BASP1: variants seen among roughly 807,000 people sequenced by gnomAD.
The protein encoded by BASP1 is brain abundant membrane attached signal protein 1.
A neutral mutation model predicts 2.2 loss-of-function variants in BASP1; 1 was observed. The observed-to-expected ratio is 0.46, with a 90% CI of 0.16 to 2.17. The LOEUF is 2.17. Ranked by LOEUF, BASP1 falls within the 30% of genes most tolerant of loss-of-function variation. The pLI is 0.27. For synonymous variants in BASP1, 187 were observed against 154.2 expected, an observed-to-expected ratio of 1.21 and a Z score of -1.58; for missense variants, 352 against 327.2, an observed-to-expected ratio of 1.08 and a Z score of -0.58.
At chr5:17,249,476 A>G (rs1338517743) in intron 1 of BASP1, among the ~76,000 whole-genome samples, 1 of 152,196 alleles carries the variant, frequency 6.6e-6, no homozygotes, top group East Asian at 1.9e-4. Context: ...AGCCAGATGC[A>G]GTTACTGTTC....
At position 17,260,702 on chromosome 5, in the gene BASP1, G is replaced by A. The variant is rs1347877544; in HGVS notation, c.-9-14506G>A. ...AATTAGATGTTCCCGTCTGTAGTGA[G>A]TCTGTGATGTTTATCTAGTACCCAT... On this transcript the variant is annotated intron_variant, in intron 1 of 1. Coordinates refer to ENST00000322611, the MANE Select transcript of BASP1 (RefSeq NM_006317.5). This position sits in a 1 kb window ranked among gnomAD's most constrained non-coding sequence, Gnocchi z 4.2. 6.6e-6 allele frequency among the ~76,000 whole-genome samples: 1 copy of A among 152,174 alleles called. No homozygotes were observed. Among genetic ancestry groups the A allele is most frequent in the African/African-American group, 2.4e-5 (1 of 41,436 alleles).
chr5:17,247,303 A>T (rs543037789), intron 1 of BASP1, among the ~76,000 whole-genome samples: 9 of 152,340 alleles, frequency 5.9e-5, no homozygotes, highest in African/African-American at 1.9e-4. Context: ...CTGAACATGT[A>T]AAGTATAGGC....
intron 1 of BASP1, among the ~76,000 whole-genome samples, chr5:17,240,133 G>GATAA (rs55977756): frequency 0.34 from 49,693 of 145,798 alleles, 8,554 homozygotes; most frequent in South Asian, 0.37. Flanking sequence ...TAAAAATAAA[G>GATAA]ATAAATAAAT....
intron 1 of BASP1, among the ~76,000 whole-genome samples, chr5:17,252,782 C>A (rs1483476240): frequency 6.6e-6 from 1 of 152,196 alleles, no homozygotes; most frequent in Non-Finnish European, 1.5e-5. Flanking sequence ...ATCCTTTAGA[C>A]CTGAATCACA....
chr5:17,272,029 G>A (rs2126521517), intron 1 of BASP1, among the ~76,000 whole-genome samples: 1 of 149,622 alleles, frequency 6.7e-6, no homozygotes, highest in South Asian at 2.1e-4. Flanking sequence ...TTGTGCTGCT[G>A]CTGCACTCCA....
chr5:17,256,462 T>C (rs777348755), intron 1 of BASP1, among the ~76,000 whole-genome samples: 4 of 152,224 alleles, frequency 2.6e-5, no homozygotes, highest in Non-Finnish European at 5.9e-5. Context: ...ATTTCTCAAA[T>C]AAATAAGTGA....
intron 1 of BASP1, among the ~76,000 whole-genome samples, chr5:17,247,271 C>T (rs557901413): frequency 3.9e-5 from 6 of 152,252 alleles, no homozygotes; most frequent in South Asian, 2.1e-4. Context: ...GTTGGATTTC[C>T]GAATGTTGGA....
In BASP1 at chr5:17,263,631, G is replaced by A. The variant is rs572883197; in HGVS notation, c.-9-11577G>A. Among the ~76,000 whole-genome samples, 157 of 152,206 alleles carry A rather than the reference G, an allele frequency of 1.0e-3. 1 individual carries two copies. Among genetic ancestry groups the A allele is most frequent in the African/African-American group, 3.7e-3 (153 of 41,530 alleles). ...TGTGATTAATCTTCTTTTGTATTAG[G>A]GACTTTCTGACTTTGTAGATCCAAC... On this transcript the variant is annotated intron_variant, in intron 1 of 1. Transcript: ENST00000322611.
chr5:17,217,004 G>A (rs975974964), upstream of BASP1: 2 of 151,438 alleles, frequency 1.3e-5, no homozygotes, highest in African/African-American at 4.9e-5. Flanking sequence ...CCCTAAGTCT[G>A]AGCGAGAGCC....
intron 1 of BASP1, among the ~76,000 whole-genome samples, chr5:17,263,600 G>T (rs975630310): frequency 6.6e-6 from 1 of 152,180 alleles, no homozygotes; most frequent in African/African-American, 2.4e-5. Context: ...TAATGGAGGC[G>T]TTTCTTGTGA....
At chr5:17,218,723 G>A (rs545416382) in intron 1 of BASP1, among the ~76,000 whole-genome samples, 1 of 152,112 alleles carries the variant, frequency 6.6e-6, no homozygotes, top group Admixed American at 6.5e-5. Flanking sequence ...GAAACCCGGC[G>A]CCCGGTTCCT....
At chr5:17,269,611 A>G (rs1446493598) in intron 1 of BASP1, among the ~76,000 whole-genome samples, 1 of 152,202 alleles carries the variant, frequency 6.6e-6, no homozygotes, top group African/African-American at 2.4e-5. Context: ...GGTGGGATTA[A>G]TTGGATGGAG....
intron 1 of BASP1, among the ~76,000 whole-genome samples, chr5:17,273,996 G>T (rs887845606): frequency 6.6e-6 from 1 of 152,142 alleles, no homozygotes; most frequent in African/African-American, 2.4e-5. Flanking sequence ...CCAAGAGTCT[G>T]TTTAGCTCTG....
chr5:17,239,826 T>G (rs540340678), intron 1 of BASP1, among the ~76,000 whole-genome samples: 1 of 152,210 alleles, frequency 6.6e-6, no homozygotes, highest in Non-Finnish European at 1.5e-5. Context: ...CAAAATCCTC[T>G]TTGCTGGTAA....
chr5:17,239,870 G>C (rs558538525), intron 1 of BASP1, among the ~76,000 whole-genome samples: 1 of 152,148 alleles, frequency 6.6e-6, no homozygotes, highest in South Asian at 2.1e-4. Context: ...ATTTTATCCT[G>C]GTAGCATGGA....
chr5:17,231,200 A>G (rs1021715797), intron 1 of BASP1, among the ~76,000 whole-genome samples: 11 of 152,224 alleles, frequency 7.2e-5, no homozygotes, highest in Non-Finnish European at 1.0e-4. Flanking sequence ...TTTCAATGCA[A>G]TGTCAGTGAG....
At chr5:17,269,964 T>C (rs1740496716) in intron 1 of BASP1, among the ~76,000 whole-genome samples, 1 of 152,154 alleles carries the variant, frequency 6.6e-6, no homozygotes, top group Non-Finnish European at 1.5e-5. Flanking sequence ...GAAGAGGTGG[T>C]GAGGGGACAG....
intron 1 of BASP1, among the ~76,000 whole-genome samples, chr5:17,235,843 C>T (rs1291502971): frequency 6.6e-6 from 1 of 152,212 alleles, no homozygotes; most frequent in Non-Finnish European, 1.5e-5. Flanking sequence ...CATGACCCCA[C>T]AGGGAGATTC....
chr5:17,242,843 C>G (rs1739895329), intron 1 of BASP1, among the ~76,000 whole-genome samples: 1 of 149,264 alleles, frequency 6.7e-6, no homozygotes, highest in African/African-American at 2.5e-5. Flanking sequence ...AAAGTCAACT[C>G]AGTTTAAAAA....
Sources: allele counts gnomAD v4.1 joint callset (sites outside exome capture counted in the v4.1 genomes callset), GRCh38; gene constraint gnomAD v4.1.1; non-coding constraint Gnocchi (gnomAD v3.1); transcripts MANE v1.5; gene names NCBI Gene and HGNC (gene_info 2026-07-23, HGNC 2026-07-21).